UGT2B4: variants seen among roughly 807,000 people sequenced by gnomAD.
UGT2B4 encodes the protein UDP-glucuronosyltransferase 2B4.
UGT2B4 carries 49 observed loss-of-function variants against 49.8 expected under a neutral mutation model. That is an observed-to-expected ratio of 0.98 (90% CI 0.78 to 1.25). The LOEUF is 1.25. UGT2B4 is among the 50% of genes most tolerant of loss of function. The probability of loss-of-function intolerance (pLI) is 0.00; values close to 1 mark genes in which losing one functional copy is unlikely to be tolerated. For synonymous variants in UGT2B4, 246 were observed against 217.7 expected, an observed-to-expected ratio of 1.13 and a Z score of -1.14; for missense variants, 729 against 627.7, an observed-to-expected ratio of 1.16 and a Z score of -1.73.
chr4:69,515,462 A>G (rs1369864934), intron 1 of UGT2B4, among the ~76,000 whole-genome samples: 2 of 152,218 alleles, frequency 1.3e-5, no homozygotes, highest in Non-Finnish European at 2.9e-5. Context: ...TCTTTAACTA[A>G]TGAGAACAAA....
At chr4:69,500,626 A>AAAGCAAGG (rs1728288339), upstream of UGT2B4, among the ~76,000 whole-genome samples, 1 of 86,402 alleles carries the variant, frequency 1.2e-5, no homozygotes, top group African/African-American at 3.3e-5. Context: ...AGAAAGAAAG[A>AAAGCAAGG]AAGAAAGAAA....
At chr4:69,517,571 A>C (rs961273204) in intron 1 of UGT2B4, 11 of 152,208 alleles carry the variant, frequency 7.2e-5, no homozygotes, top group African/African-American at 2.4e-4. Flanking sequence ...ACATTTTCTA[A>C]AATAAAAACT....
chr4:69,481,091 G>GTAAAAA (rs1727575163), intron 5 of UGT2B4, among the ~76,000 whole-genome samples, 181 bp from the exon 6 acceptor site: 1 of 67,824 alleles, frequency 1.5e-5, no homozygotes, highest in Non-Finnish European at 2.6e-5. Flanking sequence ...GTAAAAATAT[G>GTAAAAA]AAAAAAAAAA....
chr4:69,507,981 C>T (rs1326306586), intron 1 of UGT2B4, among the ~76,000 whole-genome samples: 1 of 152,082 alleles, frequency 6.6e-6, no homozygotes, highest in Non-Finnish European at 1.5e-5. Context: ...TAACTTTCAT[C>T]ATCTATAAGA....
Position 69,481,031 on chromosome 4 carries a change from G to T in UGT2B4, c.1311-121C>A, listed in dbSNP as rs188798544. 1.3e-4 allele frequency: 112 copies of T among 885,212 alleles called. No homozygotes were observed. The African/African-American group carries it at 1.9e-3, about 15-fold the overall frequency. 54.8% of individuals were successfully genotyped at this position (885,212 alleles called of 1,614,324 possible). On this transcript the variant is annotated intron_variant, in intron 5 of 5. Coordinates refer to ENST00000305107, the MANE Select transcript of UGT2B4 (RefSeq NM_021139.3). ...AGGCGGGCGGATCACGAGGTCAGGA[G>T]ATCAAGACCATCCTGGCTAACACGG...
intron 2 of UGT2B4, among the ~76,000 whole-genome samples, chr4:69,490,843 C>T (rs1018127935): frequency 2.0e-5 from 3 of 152,082 alleles, no homozygotes; most frequent in African/African-American, 4.8e-5. Context: ...ATGTAACTTA[C>T]GTTCAGTGTT....
At chr4:69,484,911 T>C (rs890631397) in intron 5 of UGT2B4, among the ~76,000 whole-genome samples, 2 of 152,192 alleles carry the variant, frequency 1.3e-5, no homozygotes, top group African/African-American at 4.8e-5. Context: ...AAGTTTATCT[T>C]TCCTTTCTAC....
At chr4:69,494,047 G>A (rs1296122373) in intron 1 of UGT2B4, among the ~76,000 whole-genome samples, 1 of 152,000 alleles carries the variant, frequency 6.6e-6, no homozygotes, top group Admixed American at 6.6e-5. Flanking sequence ...AGGCAAAGTG[G>A]TGAGAGAATC....
chr4:69,510,168 T>C (rs1728571895), intron 1 of UGT2B4, among the ~76,000 whole-genome samples: 1 of 152,212 alleles, frequency 6.6e-6, no homozygotes, highest in Admixed American at 6.5e-5. Context: ...TGTATATTTG[T>C]GGCTTTATTT....
chr4:69,492,430 G>C (rs1487486337), intron 2 of UGT2B4, among the ~76,000 whole-genome samples: 3 of 152,036 alleles, frequency 2.0e-5, no homozygotes, highest in Non-Finnish European at 4.4e-5. Context: ...TTAGAATACT[G>C]ATGAAGATCC....
intron 1 of UGT2B4, among the ~76,000 whole-genome samples, chr4:69,520,100 T>G (rs1452834626): frequency 6.6e-6 from 1 of 152,156 alleles, no homozygotes; most frequent in African/African-American, 2.4e-5. Flanking sequence ...ATGTAAAATA[T>G]TAAATTAGAA....
rs1233059608 is a variant in UGT2B4 at position 69,495,740 on chromosome 4, G to A, written c.122C>T (p.Thr41Ile). The A allele has an allele frequency of 6.2e-6, 10 of 1,613,908 alleles. No homozygotes were observed. The highest frequency in any genetic ancestry group is 1.3e-5 in the African/African-American group (1 of 74,896). ...TCTCTGGACAAGTTCATCCAGGATTGTCTTTATATTCATCCAGTGGCTGAA... is the reference window on the plus strand; with the variant it reads ...TCTCTGGACAAGTTCATCCAGGATTATCTTTATATTCATCCAGTGGCTGAA... ...TEFSHWMNIK[T>I]ILDELVQRGH... The change falls in exon 1 of 6, where the codon ACA becomes ATA. Residue 41 changes from threonine (T) to isoleucine (I), a missense_variant. Coordinates refer to ENST00000305107, the MANE Select transcript of UGT2B4 (RefSeq NM_021139.3).
chr4:69,484,113 AC>A (rs1727695028), intron 5 of UGT2B4, among the ~76,000 whole-genome samples: 1 of 152,190 alleles, frequency 6.6e-6, no homozygotes, highest in Non-Finnish European at 1.5e-5. Flanking sequence ...AGGTCTTTTT[AC>A]ACCCACCAAG....
chr4:69,493,579 G>T, intron 2 of UGT2B4, 114 bp downstream of exon 2: 1 of 1,315,068 alleles, frequency 7.6e-7, no homozygotes, highest in Non-Finnish European at 1.0e-6. Context: ...ATTGGTATCT[G>T]CTTTACTCTT....
At chr4:69,503,177 A>T (rs927081634) in intron 1 of UGT2B4, among the ~76,000 whole-genome samples, 1 of 152,200 alleles carries the variant, frequency 6.6e-6, no homozygotes, top group African/African-American at 2.4e-5. Context: ...AATTCTGCAC[A>T]TCAGATGAGG....
At chr4:69,504,300 T>C (rs1376184371) in intron 1 of UGT2B4, among the ~76,000 whole-genome samples, 1 of 152,120 alleles carries the variant, frequency 6.6e-6, no homozygotes, top group Non-Finnish European at 1.5e-5. Flanking sequence ...AAGTACATTG[T>C]AACCCAAAAA....
chr4:69,480,798 G>T lies in UGT2B4; in HGVS notation c.1423C>A (p.His475Asn). The stretch of plus-strand genomic sequence containing the variant: ...AGGTCGTGGGCTGCAACCCGAAGGT[G>T]CTTGGCTCCTTTATGGCGCATGACA... ...EFVMRHKGAK[H>N]LRVAAHDLTW... is the part of the protein sequence containing the mutation. The change falls in exon 6 of 6, where the codon CAC becomes AAC. Residue 475 changes from histidine (H) to asparagine (N), a missense_variant. Physicochemically the swap from His to Asn is moderately conservative, Grantham distance 68. Coordinates refer to ENST00000305107, the MANE Select transcript of UGT2B4 (RefSeq NM_021139.3). 1 of 1,613,956 alleles carries T rather than the reference G, an allele frequency of 6.2e-7. No individual in the cohort carries two copies. Among genetic ancestry groups the T allele is most frequent in the Non-Finnish European group, 8.5e-7 (1 of 1,179,854 alleles).
chr4:69,522,444 C>T (rs1351469524), intron 1 of UGT2B4, among the ~76,000 whole-genome samples: 1 of 152,200 alleles, frequency 6.6e-6, no homozygotes, highest in African/African-American at 2.4e-5. Flanking sequence ...TAAACTCAAT[C>T]ACACAAATGG....
At chr4:69,501,278 T>G (rs963122254) in intron 1 of UGT2B4, among the ~76,000 whole-genome samples, 40 of 152,050 alleles carry the variant, frequency 2.6e-4, no homozygotes, top group Admixed American at 1.0e-3. Flanking sequence ...CCTCAGCTGT[T>G]GCAAATCTAC....
Sources: allele counts gnomAD v4.1 joint callset (sites outside exome capture counted in the v4.1 genomes callset), GRCh38; gene constraint gnomAD v4.1.1; transcripts MANE v1.5; gene names NCBI Gene and HGNC (gene_info 2026-07-23, HGNC 2026-07-21).